Variants in EPS8 observed in about 807,000 individuals in gnomAD.
The protein encoded by EPS8 is EGFR pathway substrate 8, signaling adaptor.
EPS8 carries 42 observed loss-of-function variants against 103.8 expected under a neutral mutation model. That is an observed-to-expected ratio of 0.40 (90% CI 0.32 to 0.52). The LOEUF (loss-of-function observed/expected upper bound fraction) is 0.52, where lower values mean the gene tolerates loss of function less well. Ranked by LOEUF, EPS8 falls within the 20% of genes least tolerant of loss-of-function variation. The pLI, the probability that EPS8 is intolerant of heterozygous loss-of-function variation, is 0.40. For missense variants in EPS8, 969 were observed against 1,005.1 expected (o/e 0.96, Z 0.49); for synonymous variants, 344 against 344.6 (o/e 1.00, Z 0.02).
chr12:15,726,939 C>T (rs1946660096), intron 1 of EPS8, among the ~76,000 whole-genome samples: 2 of 152,110 alleles, frequency 1.3e-5, no homozygotes, highest in African/African-American at 4.8e-5. Flanking sequence ...ATTTTCATTA[C>T]TGAAAGTTAT....
Position 15,761,903 on chromosome 12 carries a change from A to T in EPS8, c.-22+27258T>A, listed in dbSNP as rs1474349097. On this transcript the variant is annotated intron_variant, in intron 1 of 20. Coordinates refer to ENST00000281172, the MANE Select transcript of EPS8 (RefSeq NM_004447.6). The surrounding 1 kb of genome is among the most constrained non-coding windows in gnomAD (Gnocchi z 4.5). ...AAAATTTCTTGAGTAATACCTCACG[A>T]GAACAGGCAACCAAAACGAAAAGGG... is the stretch of plus-strand genomic sequence containing the variant. Among the ~76,000 whole-genome samples the T allele has an allele frequency of 1.3e-5, 2 of 152,200 alleles. No individual in the cohort carries two copies. The highest frequency in any genetic ancestry group is 4.8e-5 in the African/African-American group (2 of 41,458).
Position 15,713,589 on chromosome 12 carries a change from C to T in EPS8, c.-21-30617G>A, listed in dbSNP as rs1946495327. On this transcript the variant is annotated intron_variant, in intron 1 of 20. Coordinates refer to ENST00000281172, the MANE Select transcript of EPS8 (RefSeq NM_004447.6). This position sits in a 1 kb window ranked among gnomAD's most constrained non-coding sequence, Gnocchi z 4.8. ...GAAAGTGCTCCCTCAAGAGAGAAAG[C>T]ACTCTGCTGGATTTCCAGCCCCATT... 6.6e-6 allele frequency among the ~76,000 whole-genome samples: 1 copy of T among 152,186 alleles called. No homozygotes were observed. Among genetic ancestry groups the T allele is most frequent in the Non-Finnish European group, 1.5e-5 (1 of 68,038 alleles).
intron 1 of EPS8, among the ~76,000 whole-genome samples, chr12:15,782,626 A>G (rs1947271531): frequency 6.6e-6 from 1 of 152,188 alleles, no homozygotes. Context: ...ATACTAGTCT[A>G]CTTTATCATT....
In EPS8 at chr12:15,771,235, GA is replaced by G. The variant is rs1350084816; in HGVS notation, c.-22+17925del. Among the ~76,000 whole-genome samples the G allele has an allele frequency of 6.6e-6, 1 of 152,162 alleles. No individual in the cohort carries two copies. Among genetic ancestry groups the G allele is most frequent in the Non-Finnish European group, 1.5e-5 (1 of 68,030 alleles). On this transcript the variant is annotated intron_variant, in intron 1 of 20. Transcript: ENST00000281172. The surrounding 1 kb of genome is among the most constrained non-coding windows in gnomAD (Gnocchi z 4.6). ...AGAGGGACACTGAAGCACAGACTGGGAAAACTGAAGTATACAGATGAAAGTG... is the reference window on the plus strand; with the variant it reads ...AGAGGGACACTGAAGCACAGACTGGGAAACTGAAGTATACAGATGAAAGTG...
chr12:15,634,708 G>C (rs978832013), intron 17 of EPS8: 1 of 398,802 alleles, frequency 2.5e-6, no homozygotes, highest in South Asian at 1.3e-4. Context: ...ATATTAAAAA[G>C]AAGTGCCATG....
At chr12:15,667,916 C>G (rs1014783752) in intron 6 of EPS8, among the ~76,000 whole-genome samples, 1 of 152,008 alleles carries the variant, frequency 6.6e-6, no homozygotes, top group Admixed American at 6.6e-5. Flanking sequence ...GTAAAGCAAG[C>G]CATTTGTTCC....
intron 15 of EPS8, among the ~76,000 whole-genome samples, chr12:15,643,765 G>T: frequency 7.3e-6 from 1 of 137,820 alleles, no homozygotes; most frequent in African/African-American, 2.9e-5. Flanking sequence ...AAAAAAAAGA[G>T]GTACCAAAGT....
At chr12:15,724,460 C>T (rs961040919) in intron 1 of EPS8, among the ~76,000 whole-genome samples, 5 of 152,114 alleles carry the variant, frequency 3.3e-5, no homozygotes, top group African/African-American at 1.2e-4. Context: ...ATATCTCCCA[C>T]ACAAATTATC....
chr12:15,678,695 T>C (rs1368189972), intron 3 of EPS8, among the ~76,000 whole-genome samples: 4 of 152,032 alleles, frequency 2.6e-5, no homozygotes, highest in Admixed American at 2.6e-4. Context: ...AGGTAATCCA[T>C]CTGCCTTGGC....
At position 15,736,784 on chromosome 12, in the gene EPS8, C is replaced by A. The variant is rs535454966; in HGVS notation, c.-22+52377G>T. On this transcript the variant is annotated intron_variant, in intron 1 of 20. Coordinates refer to ENST00000281172, the MANE Select transcript of EPS8 (RefSeq NM_004447.6). The surrounding 1 kb of genome is among the most constrained non-coding windows in gnomAD (Gnocchi z 4.2). ...CATCCTCAGAGTATGTGATATAGAACCATACAACCAAGCATATGTCAATAC... is the reference window on the plus strand; with the variant it reads ...CATCCTCAGAGTATGTGATATAGAAACATACAACCAAGCATATGTCAATAC... Among the ~76,000 whole-genome samples the A allele has an allele frequency of 3.4e-4, 51 of 152,074 alleles. No individual in the cohort carries two copies. The highest frequency in any genetic ancestry group is 1.2e-3 in the African/African-American group (49 of 41,486).
rs1202326602 is a variant in EPS8 at position 15,736,001 on chromosome 12, T to G, written c.-21-53029A>C. ...CCTGGGCTCAAGCAATCCTTCCACCTTGGCCTCCCAAGTAGCTAGGACTAC... is the reference window on the plus strand; with the variant it reads ...CCTGGGCTCAAGCAATCCTTCCACCGTGGCCTCCCAAGTAGCTAGGACTAC... On this transcript the variant is annotated intron_variant, in intron 1 of 20. Coordinates refer to ENST00000281172, the MANE Select transcript of EPS8 (RefSeq NM_004447.6). The surrounding 1 kb of genome is among the most constrained non-coding windows in gnomAD (Gnocchi z 4.2). Among the ~76,000 whole-genome samples, 2 of 152,196 alleles carry G rather than the reference T, an allele frequency of 1.3e-5. No homozygotes were observed. The highest frequency in any genetic ancestry group is 2.9e-5 in the Non-Finnish European group (2 of 68,032).
At chr12:15,638,174 G>C (rs534101984) in intron 17 of EPS8, among the ~76,000 whole-genome samples, 1 of 151,982 alleles carries the variant, frequency 6.6e-6, no homozygotes, top group Non-Finnish European at 1.5e-5. Flanking sequence ...TACTGTTGTA[G>C]AGATATGAAA....
At position 15,769,902 on chromosome 12, in the gene EPS8, T is replaced by C. The variant is rs1195925766; in HGVS notation, c.-22+19259A>G. On this transcript the variant is annotated intron_variant, in intron 1 of 20. Coordinates refer to ENST00000281172, the MANE Select transcript of EPS8 (RefSeq NM_004447.6). The surrounding 1 kb of genome is among the most constrained non-coding windows in gnomAD (Gnocchi z 4.6). ...TGAATAATACCCAAAATAGTTCCAGTGCCACAATTATTTGTAATTTTCATG... is the reference window on the plus strand; with the variant it reads ...TGAATAATACCCAAAATAGTTCCAGCGCCACAATTATTTGTAATTTTCATG... Among the ~76,000 whole-genome samples, 2 of 152,046 alleles carry C rather than the reference T, an allele frequency of 1.3e-5. No homozygotes were observed. The highest frequency in any genetic ancestry group is 2.9e-5 in the Non-Finnish European group (2 of 67,988).
chr12:15,786,138 T>C (rs999254390), intron 1 of EPS8, among the ~76,000 whole-genome samples: 1 of 151,890 alleles, frequency 6.6e-6, no homozygotes, highest in African/African-American at 2.4e-5. Flanking sequence ...TGGAGAAAAG[T>C]GGAAAAATCT....
rs1171751823 is a variant in EPS8, at chr12:15,684,827, A to G, written c.-21-1855T>C. Among the ~76,000 whole-genome samples, 1 of 152,256 alleles carries G rather than the reference A, an allele frequency of 6.6e-6. No individual in the cohort carries two copies. Among genetic ancestry groups the G allele is most frequent in the African/African-American group, 2.4e-5 (1 of 41,478 alleles). Reference sequence around the variant, plus strand: ...CACATTTATAAATTAAGAAGCAAAGAAAGATCGGCCTCTGCCCTATACATG... The same window carrying G: ...CACATTTATAAATTAAGAAGCAAAGGAAGATCGGCCTCTGCCCTATACATG... On this transcript the variant is annotated intron_variant, in intron 1 of 20. Transcript: ENST00000281172. The surrounding 1 kb of genome is among the most constrained non-coding windows in gnomAD (Gnocchi z 4.9).
At chr12:15,709,261 A>C (rs938271781) in intron 1 of EPS8, among the ~76,000 whole-genome samples, 14 of 152,224 alleles carry the variant, frequency 9.2e-5, no homozygotes, top group Non-Finnish European at 2.9e-5. Context: ...AGTAAAATAT[A>C]ACACATGTAA....
chr12:15,640,621 C>A, intron 17 of EPS8, 82 bp downstream of exon 17: 1 of 1,291,922 alleles, frequency 7.7e-7, no homozygotes, highest in Non-Finnish European at 1.1e-6. Context: ...ATGATCAATA[C>A]ACAAAGGTGT....
rs1016004964 is a variant in EPS8 at position 15,752,653 on chromosome 12, T to G, written c.-22+36508A>C. Among the ~76,000 whole-genome samples, 3 of 151,996 alleles carry G rather than the reference T, an allele frequency of 2.0e-5. No individual in the cohort carries two copies. The highest frequency in any genetic ancestry group is 7.3e-5 in the African/African-American group (3 of 41,362). Reference sequence around the variant, plus strand: ...TTATAATTGTAATAACCAATGGGTATGATTTCCCTTCTCCTGCTCAGGAGG... The same window carrying G: ...TTATAATTGTAATAACCAATGGGTAGGATTTCCCTTCTCCTGCTCAGGAGG... On this transcript the variant is annotated intron_variant, in intron 1 of 20. Coordinates refer to ENST00000281172, the MANE Select transcript of EPS8 (RefSeq NM_004447.6). The surrounding 1 kb of genome is among the most constrained non-coding windows in gnomAD (Gnocchi z 4.4).
intron 1 of EPS8, among the ~76,000 whole-genome samples, chr12:15,754,803 C>G (rs2136023212): frequency 6.6e-6 from 1 of 152,250 alleles, no homozygotes; most frequent in South Asian, 2.1e-4. Context: ...CTTTTTCCCC[C>G]AAGTGTTAGA....
Sources: allele counts gnomAD v4.1 joint callset (sites outside exome capture counted in the v4.1 genomes callset), GRCh38; gene constraint gnomAD v4.1.1; non-coding constraint Gnocchi (gnomAD v3.1); transcripts MANE v1.5; gene names NCBI Gene and HGNC (gene_info 2026-07-23, HGNC 2026-07-21).